TARBP1: variants seen among roughly 807,000 people sequenced by gnomAD.
The protein encoded by TARBP1 is tRNA (guanosine(18)-2'-O)-methyltransferase TARBP1.
In TARBP1, 144 loss-of-function variants were observed where a neutral mutation model predicts 178.6. The observed-to-expected ratio is 0.81, with a 90% CI of 0.70 to 0.93. The LOEUF is 0.93. Ranked by LOEUF, TARBP1 falls within the 40% of genes least tolerant of loss-of-function variation. The probability of loss-of-function intolerance (pLI) is 0.00; values close to 1 mark genes in which losing one functional copy is unlikely to be tolerated. For synonymous variants in TARBP1, 787 were observed against 781.0 expected (o/e 1.01, Z -0.13); for missense variants, 2,067 against 2,011.7 (o/e 1.03, Z -0.53).
At chr1:234,401,288 C>A (rs1189684559) in intron 24 of TARBP1, 26 bp from the exon 25 acceptor site, 2 of 1,572,826 alleles carry the variant, frequency 1.3e-6, no homozygotes, top group Non-Finnish European at 1.7e-6. Context: ...ATGGTATGAG[C>A]CACAGACAAA....
At chr1:234,404,403 T>C (rs865994011) in intron 24 of TARBP1, among the ~76,000 whole-genome samples, 8 of 152,230 alleles carry the variant, frequency 5.3e-5, no homozygotes, top group African/African-American at 1.4e-4. Flanking sequence ...GCAACTTTGG[T>C]AGCTTGAGTT....
chr1:234,437,750 T>C (rs1394469150), intron 12 of TARBP1, among the ~76,000 whole-genome samples: 3 of 152,204 alleles, frequency 2.0e-5, no homozygotes, highest in Non-Finnish European at 2.9e-5. Flanking sequence ...CTCCTCCCAA[T>C]TGTAACCAGA....
chr1:234,429,656 A>T lies in TARBP1; in HGVS notation c.2631T>A (p.Ser877=). ...ECSSVLEESS[S]SQGWGKIVAQ... ...CAACTATTTTTCCCCATCCTTGGGA[A>T]GATGACGATTCTTCCAAAACACTGA... The change falls in exon 16 of 30, where the codon TCT becomes TCA. Residue 877 remains serine (S), a synonymous_variant. Transcript: ENST00000040877. 1.2e-6 allele frequency: 2 copies of T among 1,602,504 alleles called. No homozygotes were observed. The highest frequency in any genetic ancestry group is 8.5e-7 in the Non-Finnish European group (1 of 1,175,752).
At chr1:234,445,288 G>A (rs1002883402) in intron 12 of TARBP1, among the ~76,000 whole-genome samples, 15 of 152,032 alleles carry the variant, frequency 9.9e-5, no homozygotes, top group African/African-American at 3.6e-4. Flanking sequence ...GGACATTGAA[G>A]TCCCCAAGGT....
intron 12 of TARBP1, among the ~76,000 whole-genome samples, chr1:234,443,249 C>G (rs993856281): frequency 1.6e-4 from 24 of 148,900 alleles, no homozygotes; most frequent in Non-Finnish European, 2.8e-4. Context: ...AAGATCGCAC[C>G]ATTGCACTCC....
intron 6 of TARBP1, among the ~76,000 whole-genome samples, chr1:234,462,833 T>C (rs1572390047): frequency 1.3e-5 from 2 of 152,212 alleles, no homozygotes; most frequent in African/African-American, 4.8e-5. Context: ...TTCCCTTTTT[T>C]CTGACGTTTG....
At chr1:234,414,558 G>A (rs894110152) in intron 22 of TARBP1, among the ~76,000 whole-genome samples, 10 of 152,152 alleles carry the variant, frequency 6.6e-5, no homozygotes, top group African/African-American at 2.2e-4. Context: ...CATGCATGTG[G>A]CTGACAGAAG....
chr1:234,398,797 CTG>C (rs986579604), intron 25 of TARBP1, among the ~76,000 whole-genome samples: 1 of 145,974 alleles, frequency 6.9e-6, no homozygotes, highest in African/African-American at 2.8e-5. Context: ...GTACTTCTAA[CTG>C]TGTGTAATAA....
chr1:234,406,327 T>C (rs1429059132), intron 23 of TARBP1: 1 of 547,310 alleles, frequency 1.8e-6, no homozygotes, highest in Non-Finnish European at 3.3e-6. Context: ...TTTTCATTAA[T>C]GCTGCAGTAC....
chr1:234,427,964 T>C (rs1021267326), intron 17 of TARBP1, among the ~76,000 whole-genome samples, 198 bp from the exon 18 acceptor site: 4 of 152,172 alleles, frequency 2.6e-5, no homozygotes, highest in Admixed American at 2.6e-4. Flanking sequence ...ATAAATAAAA[T>C]TTTACTGATA....
intron 20 of TARBP1, among the ~76,000 whole-genome samples, chr1:234,423,125 A>G (rs1663301832): frequency 6.6e-6 from 1 of 152,232 alleles, no homozygotes; most frequent in Admixed American, 6.5e-5. Flanking sequence ...TTACTGCTCT[A>G]GACAAGCATT....
Position 234,478,633 on chromosome 1 carries a change from C to T in TARBP1, c.471G>A (p.Gly157=). Reference sequence around the variant, plus strand: ...TCCCCGCCACGCGCTCCAGTAGCGGCCCGTCCTCGCGGGGCCGCAAACATG... The same window carrying T: ...TCCCCGCCACGCGCTCCAGTAGCGGTCCGTCCTCGCGGGGCCGCAAACATG... ...VGPCLRPRED[G]PLLERVAGTA... is the part of the protein sequence containing the mutation. The change falls in exon 1 of 30, where the codon GGG becomes GGA. Residue 157 remains glycine (G), a synonymous_variant. Transcript: ENST00000040877. The T allele has an allele frequency of 7.7e-7, 1 of 1,296,002 alleles. No homozygotes were observed. Among genetic ancestry groups the T allele is most frequent in the Non-Finnish European group, 9.8e-7 (1 of 1,022,332 alleles). The allele number at this position is 1,296,002 out of a possible 1,614,324, so 80.3% of individuals were successfully genotyped here. A position where few individuals can be genotyped will look rare whatever the true frequency, so the allele number is the denominator to read the frequency against.
At chr1:234,472,638 T>C in intron 2 of TARBP1, 76 bp downstream of exon 2, 1 of 956,788 alleles carries the variant, frequency 1.0e-6, no homozygotes, top group Non-Finnish European at 1.6e-6. Context: ...TCTCTTTGTA[T>C]CGCTTTTAAT....
intron 14 of TARBP1, among the ~76,000 whole-genome samples, chr1:234,433,019 C>T (rs1320300408): frequency 3.3e-5 from 5 of 152,188 alleles, no homozygotes; most frequent in African/African-American, 1.2e-4. Context: ...GCAGGCGGAT[C>T]ACGAGGTCAG....
At chr1:234,409,684 T>C (rs1168113558) in intron 23 of TARBP1, among the ~76,000 whole-genome samples, 1 of 152,240 alleles carries the variant, frequency 6.6e-6, no homozygotes, top group Non-Finnish European at 1.5e-5. Flanking sequence ...AACATCACTG[T>C]TTAAAAACTA....
chr1:234,419,884 T>C (rs1662890849), intron 21 of TARBP1, among the ~76,000 whole-genome samples: 1 of 152,174 alleles, frequency 6.6e-6, no homozygotes, highest in African/African-American at 2.4e-5. Context: ...CTTACACTGT[T>C]ACTATTTCTC....
rs377766350 is a variant in TARBP1, at chr1:234,460,214, A to G, written c.1535+47T>C. 1.1e-5 allele frequency: 17 copies of G among 1,553,428 alleles called. No individual in the cohort carries two copies. The African/African-American group carries it at 1.2e-4, about 11-fold the overall frequency. On this transcript the variant is annotated intron_variant, in intron 7 of 29. Transcript: ENST00000040877. ...GAGGAGAAAATATATATATTGATGG[A>G]AAGTCATGGCAAATAACCATACAAG...
chr1:234,451,256 T>C (rs1160534549), intron 9 of TARBP1, among the ~76,000 whole-genome samples: 2 of 152,232 alleles, frequency 1.3e-5, no homozygotes, highest in African/African-American at 4.8e-5. Context: ...AATCTAAATA[T>C]GTTCTCAATT....
intron 5 of TARBP1, among the ~76,000 whole-genome samples, 181 bp from the exon 6 acceptor site, chr1:234,464,115 A>C (rs1240297453): frequency 1.3e-5 from 2 of 152,220 alleles, no homozygotes; most frequent in African/African-American, 2.4e-5. Context: ...CTGATTACAG[A>C]AACATCAGGA....
Sources: gnomAD v4.1 joint callset for allele counts (sites outside exome capture counted in the v4.1 genomes callset) on GRCh38, gnomAD v4.1.1 for gene constraint, MANE v1.5 for transcripts, NCBI Gene and HGNC (gene_info 2026-07-23, HGNC 2026-07-21) for gene names.